MTIF2: variants seen among roughly 807,000 people sequenced by gnomAD.
MTIF2 encodes translation initiation factor IF-2, mitochondrial.
Under a neutral mutation model 83.5 loss-of-function variants are expected in MTIF2, and 71 were observed. The ratio of observed to expected loss-of-function variants is 0.85; its 90% CI spans 0.70 to 1.04. The LOEUF is 1.04. MTIF2 is among the 50% of genes least tolerant of loss of function. The pLI is 0.00. For missense variants in MTIF2, 957 were observed against 846.5 expected, an observed-to-expected ratio of 1.13 and a Z score of -1.62; for synonymous variants, 319 against 287.1, an observed-to-expected ratio of 1.11 and a Z score of -1.12.
chr2:55,253,107 T>G (rs1378978534), intron 7 of MTIF2, among the ~76,000 whole-genome samples: 1 of 152,186 alleles, frequency 6.6e-6, no homozygotes, highest in African/African-American at 2.4e-5. Context: ...CTATATACTG[T>G]GGGAAAGCTG....
At chr2:55,262,104 T>G (rs981920504) in intron 5 of MTIF2, among the ~76,000 whole-genome samples, 4 of 152,216 alleles carry the variant, frequency 2.6e-5, no homozygotes, top group African/African-American at 9.6e-5. Context: ...TCTTTTCCAC[T>G]TTAATTAAAA....
intron 5 of MTIF2, among the ~76,000 whole-genome samples, chr2:55,256,674 C>A (rs1677564049): frequency 6.7e-6 from 1 of 149,654 alleles, no homozygotes; most frequent in Non-Finnish European, 1.5e-5. Flanking sequence ...GCGCTCCAGC[C>A]TGGGTGACAG....
intron 13 of MTIF2, 55 bp downstream of exon 13, chr2:55,242,885 A>G: frequency 6.5e-7 from 1 of 1,538,734 alleles, no homozygotes; most frequent in Non-Finnish European, 8.8e-7. Context: ...ACAGAAGCAG[A>G]TGGTTCAGTG....
intron 4 of MTIF2, 108 bp from the exon 5 acceptor site, chr2:55,262,535 T>C (rs181110446): frequency 4.1e-4 from 191 of 468,814 alleles, no homozygotes; most frequent in African/African-American, 6.1e-4. Context: ...TTCTTTCTTT[T>C]TTTTTCTTTT....
At chr2:55,246,566 TTTCTC>T (rs1676717846) in intron 9 of MTIF2, 105 bp from the exon 10 acceptor site, 6 of 935,720 alleles carry the variant, frequency 6.4e-6, no homozygotes, top group Non-Finnish European at 9.6e-6. Flanking sequence ...ATATTATACT[TTTCTC>T]TTTAATCATT....
At chr2:55,254,552 T>G in intron 6 of MTIF2, 102 bp downstream of exon 6, 1 of 1,028,646 alleles carries the variant, frequency 9.7e-7, no homozygotes, top group Middle Eastern at 2.2e-4. Flanking sequence ...ACACATATCT[T>G]TATTACAAAA....
At chr2:55,238,893 G>A (rs187899520) in intron 14 of MTIF2, among the ~76,000 whole-genome samples, 28 of 152,240 alleles carry the variant, frequency 1.8e-4, no homozygotes, top group African/African-American at 5.5e-4. Context: ...ATCTCTGTAC[G>A]ATCATGTTGA....
chr2:55,268,825 T>C (rs770552962), intron 1 of MTIF2, 86 bp from the exon 2 acceptor site: 2 of 151,966 alleles, frequency 1.3e-5, no homozygotes, highest in Non-Finnish European at 2.9e-5. Context: ...ACCAGAAAGG[T>C]AAAAATAAAT....
In MTIF2 at chr2:55,236,735, G is replaced by A. The variant is rs995366017; in HGVS notation, c.2097C>T (p.Asp699=). 1 of 1,610,996 alleles carries A rather than the reference G, an allele frequency of 6.2e-7. No homozygotes were observed. The highest frequency in any genetic ancestry group is 1.3e-5 in the African/African-American group (1 of 74,718). ...GMDCGLSLDE[D]NMEFQVGDRI... is the part of the protein sequence containing the mutation. ...TGTCTCCCACTTGAAATTCCATATT[G>A]TCTTCATCTAAACTGAGACCACAAT... The change falls in exon 16 of 16, where the codon GAC becomes GAT. Residue 699 remains aspartate (D), a synonymous_variant. Transcript: ENST00000263629.
At chr2:55,249,168 T>C (rs1184007116) in intron 9 of MTIF2, among the ~76,000 whole-genome samples, 24 of 152,168 alleles carry the variant, frequency 1.6e-4, no homozygotes, top group Admixed American at 1.6e-3. Flanking sequence ...ATAAAAAATA[T>C]ATTCCATTTA....
In MTIF2 at chr2:55,268,143, C is replaced by T. The variant is rs553840248; in HGVS notation, c.-75+435G>A. On this transcript the variant is annotated intron_variant, in intron 2 of 15. Coordinates refer to ENST00000263629, the MANE Select transcript of MTIF2 (RefSeq NM_002453.3). Reference sequence around the variant, plus strand: ...TGGCGGGCGCCTGTAATCCCAGCGACTTGGGAGGCTGAGGCAGGAGAATCG... The same window carrying T: ...TGGCGGGCGCCTGTAATCCCAGCGATTTGGGAGGCTGAGGCAGGAGAATCG... Among the ~76,000 whole-genome samples the T allele has an allele frequency of 6.6e-5, 10 of 152,060 alleles. No homozygotes were observed. In the South Asian group the frequency reaches 2.1e-3, roughly 32 times the overall value.
chr2:55,254,547 T>C, intron 6 of MTIF2, 107 bp downstream of exon 6: 1 of 946,588 alleles, frequency 1.1e-6, no homozygotes, highest in East Asian at 2.6e-5. Flanking sequence ...TATACACACA[T>C]ATCTTTATTA....
intron 8 of MTIF2, among the ~76,000 whole-genome samples, chr2:55,250,326 G>A (rs1056471234): frequency 2.6e-5 from 4 of 151,506 alleles, no homozygotes; most frequent in African/African-American, 7.3e-5. Flanking sequence ...GTTCAAACCC[G>A]TGATGTTCAA....
In MTIF2 at chr2:55,254,220, G is replaced by A; in HGVS notation, c.504-19C>T. Reference sequence around the variant, plus strand: ...CTGGGGCCTACAATTAACAGCAAAAGAGTTTCATTTCTTAAATATCAGAAA... The same window carrying A: ...CTGGGGCCTACAATTAACAGCAAAAAAGTTTCATTTCTTAAATATCAGAAA... On this transcript the variant is annotated intron_variant, in intron 6 of 15. Transcript: ENST00000263629. 6.2e-7 allele frequency: 1 copy of A among 1,602,604 alleles called. No individual in the cohort carries two copies. The highest frequency in any genetic ancestry group is 8.5e-7 in the Non-Finnish European group (1 of 1,175,540).
intron 14 of MTIF2, among the ~76,000 whole-genome samples, chr2:55,238,965 CTCA>C (rs1676099221): frequency 6.6e-6 from 1 of 151,994 alleles, no homozygotes; most frequent in South Asian, 2.1e-4. Flanking sequence ...AAAATCAAAT[CTCA>C]TCATGGGGAA....
intron 5 of MTIF2, among the ~76,000 whole-genome samples, chr2:55,256,299 T>C (rs1049677226): frequency 2.2e-5 from 1 of 44,540 alleles, no homozygotes; most frequent in African/African-American, 6.6e-5. Flanking sequence ...CATACACACA[T>C]ATACACACAC....
Position 55,236,619 on chromosome 2 carries a change from G to C in MTIF2, c.*29C>G, listed in dbSNP as rs771339556. On this transcript the variant is annotated 3_prime_UTR_variant, in exon 16 of 16. Transcript: ENST00000263629. ...ATTTCTACCTTCAAACAAACAACAC[G>C]TTGAGTTATTTACATTTTTAATGTA... The C allele has an allele frequency of 1.3e-6, 2 of 1,552,608 alleles. No homozygotes were observed.
chr2:55,253,552 C>T (rs544208539), intron 7 of MTIF2, among the ~76,000 whole-genome samples: 29 of 152,152 alleles, frequency 1.9e-4, no homozygotes, highest in Non-Finnish European at 2.8e-4. Flanking sequence ...CACGATGGCT[C>T]ACACCTGTAA....
chr2:55,254,923 G>C (rs1455051154), intron 5 of MTIF2, 98 bp from the exon 6 acceptor site: 1 of 604,350 alleles, frequency 1.7e-6, no homozygotes, highest in Non-Finnish European at 2.5e-6. Context: ...CACTCAATGA[G>C]AGGAATAACT....
Sources: allele counts gnomAD v4.1 joint callset (sites outside exome capture counted in the v4.1 genomes callset), GRCh38; gene constraint gnomAD v4.1.1; transcripts MANE v1.5; gene names NCBI Gene and HGNC (gene_info 2026-07-23, HGNC 2026-07-21).